The following TAOK1 variants were observed in gnomAD, a reference collection of about 807,000 sequenced individuals.
The protein encoded by TAOK1 is TAO kinase 1.
TAOK1 carries 21 observed loss-of-function variants against 138.3 expected under a neutral mutation model. That is an observed-to-expected ratio of 0.15 (90% CI 0.11 to 0.22). The LOEUF (loss-of-function observed/expected upper bound fraction) is 0.22. Among genes scored for constraint, TAOK1 ranks in the 10% least tolerant of loss-of-function variants. The pLI, the probability that TAOK1 is intolerant of heterozygous loss-of-function variation, is 1.00. For synonymous variants in TAOK1, 361 were observed against 398.4 expected, an observed-to-expected ratio of 0.91 and a Z score of 1.12; for missense variants, 651 against 1,227.7, an observed-to-expected ratio of 0.53 and a Z score of 7.02.
In TAOK1 at chr17:29,542,791, C is replaced by T; in HGVS notation, c.2775C>T (p.Pro925=). ...TGGPGPHWGH[P]MGGPPQAWGH... is the part of the protein sequence containing the mutation. ...GTCCAGGACCTCACTGGGGTCATCC[C>T]ATGGGTGGCCCACCACAAGCTTGGG... is the stretch of plus-strand genomic sequence containing the variant. The change falls in exon 20 of 20, where the codon CCC becomes CCT. Residue 925 remains proline, a synonymous_variant. Coordinates refer to ENST00000261716, the MANE Select transcript of TAOK1 (RefSeq NM_020791.4). 1 of 1,614,146 alleles carries T rather than the reference C, an allele frequency of 6.2e-7. No individual in the cohort carries two copies. The highest frequency in any genetic ancestry group is 8.5e-7 in the Non-Finnish European group (1 of 1,180,002).
intron 1 of TAOK1, among the ~76,000 whole-genome samples, chr17:29,434,522 G>T (rs1905963979): frequency 1.3e-5 from 2 of 152,078 alleles, no homozygotes; most frequent in South Asian, 4.2e-4. Flanking sequence ...TTCTGTCCTT[G>T]CATCCCCGAG....
intron 2 of TAOK1, among the ~76,000 whole-genome samples, chr17:29,458,801 TCTC>T (rs1196026233): frequency 1.3e-5 from 2 of 152,220 alleles, no homozygotes; most frequent in Non-Finnish European, 2.9e-5. Context: ...TTCAAGCAAT[TCTC>T]CTGCCTCAGC....
In TAOK1 at chr17:29,471,090, G is replaced by A. The variant is rs1387691396; in HGVS notation, c.204+3874G>A. 3.3e-5 allele frequency among the ~76,000 whole-genome samples: 5 copies of A among 151,582 alleles called. No homozygotes were observed. The East Asian group carries it at 5.9e-4, about 18-fold the overall frequency. The stretch of plus-strand genomic sequence containing the variant: ...CAAGAATCACTTGAACCCAGGAGGC[G>A]AAGGCTGCAGTGAGTCAAGATTGTG... On this transcript the variant is annotated intron_variant, in intron 3 of 19. Transcript: ENST00000261716.
At chr17:29,496,666 C>A (rs2031421240) in intron 11 of TAOK1, among the ~76,000 whole-genome samples, 1 of 144,902 alleles carries the variant, frequency 6.9e-6, no homozygotes, top group Non-Finnish European at 1.5e-5. Context: ...CGGCTCACTG[C>A]AATCTCCACC....
At chr17:29,482,828 C>G (rs942484542) in intron 8 of TAOK1, among the ~76,000 whole-genome samples, 3 of 151,496 alleles carry the variant, frequency 2.0e-5, no homozygotes, top group Non-Finnish European at 4.4e-5. Context: ...CAGGGTCTTG[C>G]AATGAGAGAG....
At chr17:29,424,239 A>T (rs1905559962) in intron 1 of TAOK1, among the ~76,000 whole-genome samples, 1 of 151,788 alleles carries the variant, frequency 6.6e-6, no homozygotes, top group African/African-American at 2.4e-5. Context: ...GATCGAGACC[A>T]TCCTGGCTAA....
intron 13 of TAOK1, among the ~76,000 whole-genome samples, chr17:29,507,640 A>G (rs913057575): frequency 1.3e-5 from 2 of 152,192 alleles, no homozygotes; most frequent in Admixed American, 6.6e-5. Context: ...TGTCTTGATT[A>G]CTATAGTGCT....
chr17:29,479,721 ATAT>A (rs2031020286), intron 6 of TAOK1, among the ~76,000 whole-genome samples: 2 of 152,176 alleles, frequency 1.3e-5, no homozygotes, highest in Non-Finnish European at 2.9e-5. Context: ...ATGATTAAGT[ATAT>A]ATTATAATGC....
chr17:29,534,095 T>TC (rs767760692), intron 18 of TAOK1, 23 bp from the exon 19 acceptor site: 52 of 1,429,222 alleles, frequency 3.6e-5, no homozygotes, highest in South Asian at 1.1e-4. Flanking sequence ...TCTTTTTTTT[T>TC]TCTCTCTCTC....
In TAOK1 at chr17:29,527,232, G is replaced by A. The variant is rs192149595; in HGVS notation, c.2149-3175G>A. Among the ~76,000 whole-genome samples, 326 of 151,904 alleles carry A rather than the reference G, an allele frequency of 2.1e-3. 2 individuals carry two copies. The highest frequency in any genetic ancestry group is 2.0e-3 in the Non-Finnish European group (138 of 67,958). On this transcript the variant is annotated intron_variant, in intron 17 of 19. Transcript: ENST00000261716. Reference sequence around the variant, plus strand: ...TTGAACCCCAGGAGGTTGAGGCTGTGGTGAGCCATGATCATGCCACTGCAC... The same window carrying A: ...TTGAACCCCAGGAGGTTGAGGCTGTAGTGAGCCATGATCATGCCACTGCAC...
intron 1 of TAOK1, among the ~76,000 whole-genome samples, chr17:29,428,242 A>T (rs1440177387): frequency 6.6e-6 from 1 of 152,196 alleles, no homozygotes; most frequent in African/African-American, 2.4e-5. Flanking sequence ...AGATGTTGGG[A>T]GGCTGAGCAA....
intron 19 of TAOK1, among the ~76,000 whole-genome samples, chr17:29,538,424 G>A (rs2032260933): frequency 6.6e-6 from 1 of 152,170 alleles, no homozygotes; most frequent in Non-Finnish European, 1.5e-5. Context: ...GCTTCAAGAT[G>A]TTACTTGGTT....
rs2031972249 is a variant in TAOK1 at position 29,524,446 on chromosome 17, C to T, written c.2148+1927C>T. Among the ~76,000 whole-genome samples, 2 of 152,122 alleles carry T rather than the reference C, an allele frequency of 1.3e-5. 1 individual carries two copies. Among genetic ancestry groups the T allele is most frequent in the South Asian group, 4.1e-4 (2 of 4,830 alleles). On this transcript the variant is annotated intron_variant, in intron 17 of 19. Transcript: ENST00000261716. Reference sequence around the variant, plus strand: ...TTTCTTTCTGTCATTAGAACCTTTCCGTTTTAAAGCTTATAAACAGTAGTC... The same window carrying T: ...TTTCTTTCTGTCATTAGAACCTTTCTGTTTTAAAGCTTATAAACAGTAGTC...
At chr17:29,470,679 T>A (rs1425848166) in intron 3 of TAOK1, among the ~76,000 whole-genome samples, 1 of 152,174 alleles carries the variant, frequency 6.6e-6, no homozygotes, top group African/African-American at 2.4e-5. Context: ...TTACCTACCT[T>A]GAGTGAAATA....
intron 1 of TAOK1, among the ~76,000 whole-genome samples, chr17:29,417,255 T>C (rs1905287295): frequency 6.6e-6 from 1 of 152,214 alleles, no homozygotes; most frequent in Non-Finnish European, 1.5e-5. Context: ...TCTCAGGTGA[T>C]CCACCTGCCT....
At chr17:29,447,894 G>A (rs2030130933) in intron 1 of TAOK1, among the ~76,000 whole-genome samples, 1 of 148,920 alleles carries the variant, frequency 6.7e-6, no homozygotes, top group Non-Finnish European at 1.5e-5. Context: ...GACCTCAGGT[G>A]ACCCACCCGC....
intron 2 of TAOK1, among the ~76,000 whole-genome samples, chr17:29,458,436 C>G (rs1056293922): frequency 2.0e-5 from 3 of 152,184 alleles, no homozygotes; most frequent in Admixed American, 1.3e-4. Context: ...TTGGTATTGA[C>G]AGTCATTTTA....
chr17:29,418,947 T>TTTTTTTTTTTTTTTTTA, intron 1 of TAOK1, among the ~76,000 whole-genome samples: 1 of 132,576 alleles, frequency 7.5e-6, no homozygotes, highest in Non-Finnish European at 1.6e-5. Flanking sequence ...TTTTTTTTTT[T>TTTTTTTTTTTTTTTTTA]ATGTATGTTT....
chr17:29,398,504 C>CTTCTT lies in TAOK1; in HGVS notation c.-95+7500_-95+7504dup, dbSNP rs550236319. Among the ~76,000 whole-genome samples, 433 of 150,098 alleles carry CTTCTT rather than the reference C, an allele frequency of 2.9e-3. 4 individuals are homozygous for CTTCTT. The highest frequency in any genetic ancestry group is 8.5e-3 in the African/African-American group (348 of 40,782). On this transcript the variant is annotated intron_variant, in intron 1 of 19. Coordinates refer to ENST00000261716, the MANE Select transcript of TAOK1 (RefSeq NM_020791.4). ...TACAGATGTGAACCACTGCGCCAGG[C>CTTCTT]TTCTTTTCTTTTCTTTTCTTTTCTC...
Sources: allele counts gnomAD v4.1 joint callset (sites outside exome capture counted in the v4.1 genomes callset), GRCh38; gene constraint gnomAD v4.1.1; transcripts MANE v1.5; gene names NCBI Gene and HGNC (gene_info 2026-07-23, HGNC 2026-07-21).